The following TSC2 variants were observed in gnomAD, a reference collection of about 807,000 sequenced individuals.
The protein encoded by TSC2 is TSC complex subunit 2, also known as tuberin.
A neutral mutation model predicts 202.2 loss-of-function variants in TSC2; 29 were observed. The ratio of observed to expected loss-of-function variants is 0.14; its 90% CI spans 0.11 to 0.20. The LOEUF (loss-of-function observed/expected upper bound fraction) is 0.20. Ranked by LOEUF, TSC2 falls within the 10% of genes least tolerant of loss-of-function variation. The pLI is 1.00. For missense variants in TSC2, 2,429 were observed against 2,420.0 expected (o/e 1.00, Z -0.08); for synonymous variants, 1,349 against 1,044.0 (o/e 1.29, Z -5.63).
chr16:2,065,587 C>G lies in TSC2; in HGVS notation c.1668C>G (p.Ser556=), dbSNP rs764091433. ...EERDVAAYSA[S]LEDVKTAVLG... ...GGGATGTGGCCGCATACTCGGCCTCCTTGGAGGATGTGAAGACAGCCGTCC... is the reference window on the plus strand; with the variant it reads ...GGGATGTGGCCGCATACTCGGCCTCGTTGGAGGATGTGAAGACAGCCGTCC... The change falls in exon 16 of 42, where the codon TCC becomes TCG. Residue 556 remains serine, a synonymous_variant. Transcript: ENST00000219476. 6.2e-7 allele frequency: 1 copy of G among 1,613,858 alleles called. No homozygotes were observed. The highest frequency in any genetic ancestry group is 8.5e-7 in the Non-Finnish European group (1 of 1,180,006).
At chr16:2,059,521 T>G (rs1189181309) in intron 10 of TSC2, among the ~76,000 whole-genome samples, 1 of 145,824 alleles carries the variant, frequency 6.9e-6, no homozygotes, top group Admixed American at 6.9e-5. Flanking sequence ...TTTTTTTTTT[T>G]TTTTTTTTTT....
chr16:2,053,240 C>T (rs1567394294), intron 3 of TSC2, 102 bp from the exon 4 acceptor site: 1 of 1,178,912 alleles, frequency 8.5e-7, no homozygotes, highest in East Asian at 2.6e-5. Flanking sequence ...TCACAAGCCC[C>T]CGTTGTTCCT....
At position 2,064,794 on chromosome 16, in the gene TSC2, T is replaced by C. The variant is rs185058071; in HGVS notation, c.1599+367T>C. On this transcript the variant is annotated intron_variant, in intron 15 of 41. Transcript: ENST00000219476. ...TTTGGTTTCTGCACAGTCACTCGGG[T>C]ATAAAGGGCATCTTTGCTTTTGAGC... is the stretch of plus-strand genomic sequence containing the variant. 602 of 361,518 alleles carry C rather than the reference T, an allele frequency of 1.7e-3. 3 individuals are homozygous for C. Among genetic ancestry groups the C allele is most frequent in the African/African-American group, 0.012 (559 of 47,920 alleles). The allele number at this position is 361,518 out of a possible 1,614,324, so 22.4% of individuals were successfully genotyped here.
At position 2,065,509 on chromosome 16, in the gene TSC2, C is replaced by T. The variant is rs768188836; in HGVS notation, c.1600-10C>T. The T allele has an allele frequency of 2.8e-5, 44 of 1,599,742 alleles. No individual in the cohort carries two copies. Among genetic ancestry groups the T allele is most frequent in the Admixed American group, 1.3e-4 (8 of 59,520 alleles). On this transcript the variant is annotated splice_polypyrimidine_tract_variant and intron_variant, in intron 15 of 41. Transcript: ENST00000219476. Reference sequence around the variant, plus strand: ...GAGCCTGTGTGTAAGTCCTGGCCTTCTCTTCAAAGGTGATGGCCCGCTCCC... The same window carrying T: ...GAGCCTGTGTGTAAGTCCTGGCCTTTTCTTCAAAGGTGATGGCCCGCTCCC...
intron 22 of TSC2, chr16:2,074,813 C>A: frequency 3.3e-6 from 1 of 300,922 alleles, no homozygotes; most frequent in South Asian, 3.5e-5. Context: ...GGCAGAAGGG[C>A]ACTGCTGGGC....
Position 2,080,423 on chromosome 16 carries a change from C to T in TSC2, c.3610+46C>T. ...GAGCGCCATCTTTCTGCCAGTCACC[C>T]ACAGAGCTGTGGACACTCAGGGGCG... On this transcript the variant is annotated intron_variant, in intron 30 of 41. Transcript: ENST00000219476. 4.4e-6 allele frequency: 7 copies of T among 1,602,856 alleles called. No individual in the cohort carries two copies. The South Asian group carries it at 5.5e-5, about 13-fold the overall frequency.
intron 31 of TSC2, 32 bp from the exon 32 acceptor site, chr16:2,082,404 C>T (rs1034685496): frequency 1.2e-6 from 2 of 1,610,818 alleles, no homozygotes; most frequent in Non-Finnish European, 1.7e-6. Context: ...CCTCCTCCTG[C>T]TGACGTGGCC....
chr16:2,048,789 G>A (rs916918352), intron 2 of TSC2, 36 bp downstream of exon 2: 3 of 1,613,732 alleles, frequency 1.9e-6, no homozygotes, highest in Non-Finnish European at 2.5e-6. Context: ...TAGGCTAGAG[G>A]GAAATGCAGA....
chr16:2,082,309 G>T (rs774424925), intron 31 of TSC2, 127 bp from the exon 32 acceptor site: 3 of 1,078,648 alleles, frequency 2.8e-6, no homozygotes, highest in Non-Finnish European at 2.8e-6. Flanking sequence ...ACTGGGCCCC[G>T]TGCGCGCCCC....
rs1295352648 is a variant in TSC2, at chr16:2,070,552, C to A, written c.1813C>A (p.Pro605Thr). The A allele has an allele frequency of 6.2e-7, 1 of 1,613,222 alleles. No individual in the cohort carries two copies. The highest frequency in any genetic ancestry group is 1.3e-5 in the African/African-American group (1 of 75,074). ...QLHYKHSYTL[P>T]IASSIRLQAF... ...CCACTACAAGCACAGCTACACCCTG[C>A]CAATCGCGAGCAGCATCCGGCTGCA... Residue 605 changes from proline to threonine, a missense_variant, in exon 17 of 42, where the codon CCA becomes ACA. Pro to Thr is a conservative substitution (Grantham distance 38). Coordinates refer to ENST00000219476, the MANE Select transcript of TSC2 (RefSeq NM_000548.5).
At chr16:2,061,110 T>C in intron 11 of TSC2, 1 of 454,020 alleles carries the variant, frequency 2.2e-6, no homozygotes, top group Non-Finnish European at 4.1e-6. Flanking sequence ...GTGGCCTGAG[T>C]GGGCCCCGGC....
rs763087765 is a variant in TSC2 at position 2,065,662 on chromosome 16, T to C, written c.1716+27T>C. On this transcript the variant is annotated intron_variant, in intron 16 of 41. Transcript: ENST00000219476. ...TGGGTGTTCTGCACGAGGCCTCTGC[T>C]CCCGGGGCGCGCATGGCTAGCGTCC... 1.3e-5 allele frequency: 21 copies of C among 1,597,306 alleles called. No homozygotes were observed. The African/African-American group carries it at 2.8e-4, about 21-fold the overall frequency.
At chr16:2,064,675 G>C in intron 15 of TSC2, 1 of 597,822 alleles carries the variant, frequency 1.7e-6, no homozygotes, top group South Asian at 2.0e-5. Flanking sequence ...TGGGCCTCCT[G>C]GACCGACGCT....
At chr16:2,068,096 G>GCGGCA (rs377278732) in intron 16 of TSC2, among the ~76,000 whole-genome samples, 19 of 152,268 alleles carry the variant, frequency 1.2e-4, no homozygotes, top group African/African-American at 4.1e-4. Flanking sequence ...CTGGAGTGCA[G>GCGGCA]CGGCACGATC....
chr16:2,084,804 G>A, intron 34 of TSC2, 89 bp downstream of exon 34: 9 of 1,598,230 alleles, frequency 5.6e-6, no homozygotes, highest in Non-Finnish European at 7.6e-6. Flanking sequence ...GGGCTGGGGT[G>A]GGGTCCTCGC....
At chr16:2,058,719 A>G (rs377057702) in intron 9 of TSC2, 28 bp from the exon 10 acceptor site, 8 of 1,564,854 alleles carry the variant, frequency 5.1e-6, no homozygotes, top group Non-Finnish European at 6.9e-6. Flanking sequence ...CCCTGCTCAC[A>G]TTCCGTCTCT....
At position 2,074,379 on chromosome 16, in the gene TSC2, G is replaced by T; in HGVS notation, c.2535G>T (p.Glu845Asp). The change falls in exon 22 of 42, where the codon GAG (glutamate) becomes GAT (aspartate). Residue 845 changes from glutamate to aspartate, a missense_variant. Coordinates refer to ENST00000219476, the MANE Select transcript of TSC2 (RefSeq NM_000548.5). ...CCAGCATGGCCGTCCCACTGCTGGA[G>T]TTCCTGTCCAGTGAGTCCCCGCCCT... ...ATASMAVPLL[E>D]FLSTLARLPH... The T allele has an allele frequency of 1.2e-6, 2 of 1,611,054 alleles. No individual in the cohort carries two copies. The highest frequency in any genetic ancestry group is 8.5e-7 in the Non-Finnish European group (1 of 1,180,024).
chr16:2,072,775 G>GCCTTCCCAGGT (rs1175011900), intron 20 of TSC2, 74 bp from the exon 21 acceptor site: 21 of 1,609,518 alleles, frequency 1.3e-5, no homozygotes, highest in Non-Finnish European at 1.8e-5. Flanking sequence ...CGTTCCCAGG[G>GCCTTCCCAGGT]CCTCCCCAGC....
In TSC2 at chr16:2,084,109, C is replaced by T. The variant is rs531417010; in HGVS notation, c.4006-119C>T. The T allele has an allele frequency of 3.3e-4, 509 of 1,521,136 alleles. 8 individuals are homozygous for T. The South Asian group carries it at 5.3e-3, about 16-fold the overall frequency. 94.2% of individuals were successfully genotyped at this position (1,521,136 alleles called of 1,614,324 possible). On this transcript the variant is annotated intron_variant, in intron 33 of 41. Transcript: ENST00000219476. The stretch of plus-strand genomic sequence containing the variant: ...CGGGCGGGGGCCGTAGCCTGGTGCT[C>T]GGGCTGGTCTGTGGCCCTGGGATGG...
Sources: allele counts gnomAD v4.1 joint callset (sites outside exome capture counted in the v4.1 genomes callset), GRCh38; gene constraint gnomAD v4.1.1; transcripts MANE v1.5; gene names NCBI Gene and HGNC (gene_info 2026-07-23, HGNC 2026-07-21).